FBXO32: variants seen among roughly 807,000 people sequenced by gnomAD.
The protein encoded by FBXO32 is F-box only protein 32.
Under a neutral mutation model 48.3 loss-of-function variants are expected in FBXO32, and 15 were observed. The ratio of observed to expected loss-of-function variants is 0.31; its 90% CI spans 0.21 to 0.48. The LOEUF (loss-of-function observed/expected upper bound fraction) is 0.48. Among genes scored for constraint, FBXO32 ranks in the 20% least tolerant of loss-of-function variants. The probability of loss-of-function intolerance (pLI) is 0.99; values close to 1 mark genes in which losing one functional copy is unlikely to be tolerated. For missense variants in FBXO32, 309 were observed against 432.7 expected, an observed-to-expected ratio of 0.71 and a Z score of 2.54; for synonymous variants, 154 against 165.9, an observed-to-expected ratio of 0.93 and a Z score of 0.55.
intron 6 of FBXO32, among the ~76,000 whole-genome samples, chr8:123,507,806 C>T (rs1816659960): frequency 1.3e-5 from 2 of 152,136 alleles, no homozygotes; most frequent in African/African-American, 4.8e-5. Flanking sequence ...CTACTATGGC[C>T]TGGTGCTGAA....
At chr8:123,531,272 G>A (rs1384863509) in intron 4 of FBXO32, among the ~76,000 whole-genome samples, 4 of 152,186 alleles carry the variant, frequency 2.6e-5, no homozygotes, top group African/African-American at 7.2e-5. Context: ...GTGAGCCACC[G>A]CACCCGGCCA....
In FBXO32 at chr8:123,501,584, G is replaced by C. The variant is rs1380042118; in HGVS notation, c.*1789C>G. ...TAGCACAAACATTGCAAAGTGAGGAGCACTAAACAGTAGGTTCCTTCTCTT... is the reference window on the plus strand; with the variant it reads ...TAGCACAAACATTGCAAAGTGAGGACCACTAAACAGTAGGTTCCTTCTCTT... On this transcript the variant is annotated 3_prime_UTR_variant, in exon 9 of 9. Coordinates refer to ENST00000517956, the MANE Select transcript of FBXO32 (RefSeq NM_058229.4). 1 of 152,180 alleles carries C rather than the reference G, an allele frequency of 6.6e-6. No homozygotes were observed. The highest frequency in any genetic ancestry group is 1.9e-4 in the East Asian group (1 of 5,194). The allele number at this position is 152,180 out of a possible 1,614,324, so 9.4% of individuals were successfully genotyped here. A position where few individuals can be genotyped will look rare whatever the true frequency, so the allele number is the denominator to read the frequency against.
At chr8:123,508,590 C>G (rs976337907) in intron 6 of FBXO32, among the ~76,000 whole-genome samples, 2 of 152,194 alleles carry the variant, frequency 1.3e-5, no homozygotes, top group Non-Finnish European at 2.9e-5. Context: ...TTATACCGCT[C>G]GGTTCTACCC....
rs561180786 is a variant in FBXO32 at position 123,540,528 on chromosome 8, C to G, written c.116+371G>C. 6.6e-6 allele frequency among the ~76,000 whole-genome samples: 1 copy of G among 152,242 alleles called. No homozygotes were observed. Among genetic ancestry groups the G allele is most frequent in the Non-Finnish European group, 1.5e-5 (1 of 68,042 alleles). On this transcript the variant is annotated intron_variant, in intron 1 of 8. Transcript: ENST00000517956. The surrounding 1 kb of genome is among the most constrained non-coding windows in gnomAD (Gnocchi z 6.4). ...GGCTCAGCCCACCCGCCCGCGCCCC[C>G]ACATGGGCAAAGTGCGCGACTCCGG...
chr8:123,509,272 T>A (rs1043146218), intron 6 of FBXO32, among the ~76,000 whole-genome samples: 1 of 152,240 alleles, frequency 6.6e-6, no homozygotes, highest in Non-Finnish European at 1.5e-5. Flanking sequence ...TGACTTTATA[T>A]TTGCCTATAA....
intron 4 of FBXO32, among the ~76,000 whole-genome samples, chr8:123,521,939 A>C (rs1460048215): frequency 6.6e-6 from 1 of 152,098 alleles, no homozygotes; most frequent in Non-Finnish European, 1.5e-5. Context: ...CAAGACCCTT[A>C]TTTACTCAAT....
At chr8:123,531,738 C>T (rs555914935) in intron 4 of FBXO32, among the ~76,000 whole-genome samples, 160 bp downstream of exon 4, 3 of 152,250 alleles carry the variant, frequency 2.0e-5, no homozygotes, top group South Asian at 4.1e-4. Flanking sequence ...ACTTGAAGTA[C>T]GTTGGGGAAG....
chr8:123,533,051 A>G (rs1044337407), intron 3 of FBXO32, 140 bp downstream of exon 3: 2 of 645,860 alleles, frequency 3.1e-6, no homozygotes, highest in Admixed American at 2.9e-5. Context: ...TTGGCTAAAT[A>G]ATAGACTAAT....
chr8:123,515,836 C>A (rs1156837699), intron 4 of FBXO32, among the ~76,000 whole-genome samples: 1 of 151,702 alleles, frequency 6.6e-6, no homozygotes, highest in South Asian at 2.1e-4. Flanking sequence ...ACTAAAAGTA[C>A]AAAAAATTAG....
chr8:123,535,826 G>GTTTT (rs149011780), intron 1 of FBXO32, among the ~76,000 whole-genome samples: 17,678 of 133,168 alleles, frequency 0.13, 1,272 homozygotes, highest in Non-Finnish European at 0.15. Context: ...ATAAATTAGG[G>GTTTT]GTTTTTTTTT....
rs1468757866 is a variant in FBXO32, at chr8:123,539,079, C to T, written c.116+1820G>A. ...GGAGCGCAGTGGCACAGTCATGACTCGCTGCAGCCTTGAACTTCTGAGCAC... is the reference window on the plus strand; with the variant it reads ...GGAGCGCAGTGGCACAGTCATGACTTGCTGCAGCCTTGAACTTCTGAGCAC... On this transcript the variant is annotated intron_variant, in intron 1 of 8. Coordinates refer to ENST00000517956, the MANE Select transcript of FBXO32 (RefSeq NM_058229.4). 5.3e-5 allele frequency among the ~76,000 whole-genome samples: 8 copies of T among 152,296 alleles called. No individual in the cohort carries two copies. In the East Asian group the frequency reaches 1.5e-3, roughly 29 times the overall value.
chr8:123,531,818 G>A (rs1258949512), intron 4 of FBXO32, 80 bp downstream of exon 4: 15 of 1,546,740 alleles, frequency 9.7e-6, no homozygotes, highest in Non-Finnish European at 1.3e-5. Context: ...ATTTTTTGGG[G>A]AAACTACTTC....
At chr8:123,531,818 G>T in intron 4 of FBXO32, 80 bp downstream of exon 4, 1 of 1,546,856 alleles carries the variant, frequency 6.5e-7, no homozygotes, top group Non-Finnish European at 8.7e-7. Flanking sequence ...ATTTTTTGGG[G>T]AAACTACTTC....
chr8:123,507,109 C>A (rs868826360), intron 6 of FBXO32, among the ~76,000 whole-genome samples: 12 of 152,214 alleles, frequency 7.9e-5, no homozygotes, highest in Non-Finnish European at 2.9e-5. Context: ...TTCAAACCTA[C>A]TTCCTCTGAA....
chr8:123,528,946 A>T (rs1817145894), intron 4 of FBXO32, among the ~76,000 whole-genome samples: 2 of 152,204 alleles, frequency 1.3e-5, no homozygotes, highest in Admixed American at 1.3e-4. Context: ...TACGATGGGG[A>T]TAATATACTG....
At position 123,500,919 on chromosome 8, in the gene FBXO32, C is replaced by T. The variant is rs1329509888; in HGVS notation, c.*2454G>A. 6.6e-6 allele frequency: 1 copy of T among 152,220 alleles called. No individual in the cohort carries two copies. The highest frequency in any genetic ancestry group is 1.5e-5 in the Non-Finnish European group (1 of 68,062). 9.4% of individuals were successfully genotyped at this position (152,220 alleles called of 1,614,324 possible). On this transcript the variant is annotated 3_prime_UTR_variant, in exon 9 of 9. Transcript: ENST00000517956. ...CCATCTTGGTAAACATTTAATTAGA[C>T]CGTAACCCTTCTCTTGGGGCAGAGG...
At chr8:123,516,400 T>C (rs1816840292) in intron 4 of FBXO32, among the ~76,000 whole-genome samples, 1 of 152,156 alleles carries the variant, frequency 6.6e-6, no homozygotes, top group African/African-American at 2.4e-5. Context: ...GGAAACTTTC[T>C]AAGAGAGTTT....
chr8:123,533,948 C>T (rs1165018538), intron 2 of FBXO32, among the ~76,000 whole-genome samples: 1 of 151,922 alleles, frequency 6.6e-6, no homozygotes, highest in Non-Finnish European at 1.5e-5. Context: ...CAAAAATTAG[C>T]CGGGTATGGT....
Position 123,540,510 on chromosome 8 carries a change from C to A in FBXO32, c.116+389G>T, listed in dbSNP as rs1482914272. Among the ~76,000 whole-genome samples the A allele has an allele frequency of 6.6e-6, 1 of 152,240 alleles. No homozygotes were observed. The highest frequency in any genetic ancestry group is 2.4e-5 in the African/African-American group (1 of 41,478). On this transcript the variant is annotated intron_variant, in intron 1 of 8. Transcript: ENST00000517956. This position sits in a 1 kb window ranked among gnomAD's most constrained non-coding sequence, Gnocchi z 6.4. ...GCCACCCCGCGGTGAAGGGGCTCAG[C>A]CCACCCGCCCGCGCCCCCACATGGG...
Sources: gnomAD v4.1 joint callset for allele counts (sites outside exome capture counted in the v4.1 genomes callset) on GRCh38, gnomAD v4.1.1 for gene constraint, Gnocchi (gnomAD v3.1) non-coding constraint, MANE v1.5 for transcripts, NCBI Gene and HGNC (gene_info 2026-07-23, HGNC 2026-07-21) for gene names.